CNTNAP2: variants seen among roughly 807,000 people sequenced by gnomAD.
CNTNAP2 encodes contactin associated protein 2.
CNTNAP2 carries 98 observed loss-of-function variants against 155.2 expected under a neutral mutation model. The observed-to-expected ratio is 0.63, with a 90% CI of 0.54 to 0.75. The LOEUF is 0.75. CNTNAP2 is among the 30% of genes least tolerant of loss of function. The probability of loss-of-function intolerance (pLI) is 0.00; values close to 1 mark genes in which losing one functional copy is unlikely to be tolerated. For missense variants in CNTNAP2, 1,727 were observed against 1,688.1 expected, an observed-to-expected ratio of 1.02 and a Z score of -0.40; for synonymous variants, 651 against 631.2, an observed-to-expected ratio of 1.03 and a Z score of -0.47.
rs953166472 is a variant in CNTNAP2, at chr7:146,525,582, A to C, written c.98-248689A>C. Among the ~76,000 whole-genome samples, 18 of 135,346 alleles carry C rather than the reference A, an allele frequency of 1.3e-4. No homozygotes were observed. In the South Asian group the frequency reaches 1.8e-3, roughly 14 times the overall value. 88.8% of individuals were successfully genotyped at this position (135,346 alleles called of 152,430 possible). ...TATCTATCTATCTATCTATCTCTCT[A>C]TCTATCATCTATCTATCATCTTGAT... On this transcript the variant is annotated intron_variant, in intron 1 of 23. Coordinates refer to ENST00000361727, the MANE Select transcript of CNTNAP2 (RefSeq NM_014141.6).
chr7:146,260,084 G>T (rs1799898267), intron 1 of CNTNAP2, among the ~76,000 whole-genome samples: 1 of 152,234 alleles, frequency 6.6e-6, no homozygotes, highest in Non-Finnish European at 1.5e-5. Flanking sequence ...AGCAGCTTGA[G>T]CCATTGCTTC....
At chr7:147,412,262 C>T (rs1797115938) in intron 10 of CNTNAP2, among the ~76,000 whole-genome samples, 1 of 152,180 alleles carries the variant, frequency 6.6e-6, no homozygotes, top group South Asian at 2.1e-4. Context: ...TCTCCTCCAT[C>T]CCCTCTAGCC....
intron 1 of CNTNAP2, among the ~76,000 whole-genome samples, chr7:146,432,908 C>T (rs1401269750): frequency 6.6e-6 from 1 of 152,108 alleles, no homozygotes; most frequent in Non-Finnish European, 1.5e-5. Flanking sequence ...TTTATTAAAC[C>T]AGTATCACTC....
chr7:146,886,605 T>C (rs1252194748), intron 3 of CNTNAP2, among the ~76,000 whole-genome samples: 1 of 152,016 alleles, frequency 6.6e-6, no homozygotes, highest in African/African-American at 2.4e-5. Context: ...AAAATGTTAA[T>C]TGATGATCAC....
intron 13 of CNTNAP2, chr7:147,643,306 T>C (rs1795315456): frequency 6.6e-6 from 1 of 152,252 alleles, no homozygotes; most frequent in Non-Finnish European, 1.5e-5. Context: ...CCTTCTGATA[T>C]ACCAGTCTCT....
intron 1 of CNTNAP2, among the ~76,000 whole-genome samples, chr7:146,733,873 T>G (rs1801567889): frequency 6.6e-6 from 1 of 151,946 alleles, no homozygotes; most frequent in African/African-American, 2.4e-5. Flanking sequence ...GGTATGAGAG[T>G]TTCATAGTTC....
At chr7:146,988,997 CT>C (rs1798163764) in intron 3 of CNTNAP2, among the ~76,000 whole-genome samples, 1 of 152,118 alleles carries the variant, frequency 6.6e-6, no homozygotes, top group South Asian at 2.1e-4. Flanking sequence ...CTCATTTTTC[CT>C]CTCCATATTT....
intron 1 of CNTNAP2, among the ~76,000 whole-genome samples, chr7:146,579,544 T>A (rs1798578610): frequency 1.3e-5 from 2 of 152,124 alleles, no homozygotes; most frequent in East Asian, 3.9e-4. Flanking sequence ...TTGAACAGAC[T>A]GTTAACCTTC....
chr7:148,399,359 G>C (rs1799536715), intron 22 of CNTNAP2, among the ~76,000 whole-genome samples: 3 of 152,172 alleles, frequency 2.0e-5, no homozygotes, highest in African/African-American at 7.2e-5. Context: ...TATAGTCCCA[G>C]CTACATGAGT....
intron 10 of CNTNAP2, among the ~76,000 whole-genome samples, chr7:147,405,663 A>C (rs903480582): frequency 1.3e-5 from 2 of 152,190 alleles, no homozygotes; most frequent in Admixed American, 6.5e-5. Context: ...GACAGAAAAA[A>C]GTTTCTGGTA....
chr7:148,389,895 A>G (rs1404843609), intron 22 of CNTNAP2: 1 of 152,134 alleles, frequency 6.6e-6, no homozygotes, highest in Non-Finnish European at 1.5e-5. Context: ...AAATCCCAAT[A>G]TCTAGTACTA....
At chr7:146,591,441 A>G (rs1798782665) in intron 1 of CNTNAP2, among the ~76,000 whole-genome samples, 1 of 152,234 alleles carries the variant, frequency 6.6e-6, no homozygotes, top group African/African-American at 2.4e-5. Flanking sequence ...ATAATTGAGA[A>G]AATAGCCAAG....
At chr7:147,033,154 ATATATG>A (rs1380433771) in intron 3 of CNTNAP2, among the ~76,000 whole-genome samples, 16 of 71,616 alleles carry the variant, frequency 2.2e-4, no homozygotes, top group African/African-American at 8.8e-4. Flanking sequence ...CTGCATATAT[ATATATG>A]TATATATATA....
intron 13 of CNTNAP2, among the ~76,000 whole-genome samples, chr7:147,768,794 C>T (rs559313100): frequency 4.7e-4 from 71 of 152,120 alleles, no homozygotes; most frequent in African/African-American, 1.7e-3. Context: ...TCAATTTATT[C>T]TTCAGTATGA....
At chr7:147,612,172 A>C (rs1449216649) in intron 12 of CNTNAP2, among the ~76,000 whole-genome samples, 1 of 152,204 alleles carries the variant, frequency 6.6e-6, no homozygotes, top group African/African-American at 2.4e-5. Flanking sequence ...TTAAATAACT[A>C]GACATTGTAA....
chr7:147,531,697 C>T (rs1318665310), intron 11 of CNTNAP2, among the ~76,000 whole-genome samples: 3 of 151,226 alleles, frequency 2.0e-5, no homozygotes, highest in Non-Finnish European at 3.0e-5. Flanking sequence ...TTTGACATGA[C>T]CTGGAGACAT....
chr7:146,217,014 T>C (rs1222790842), intron 1 of CNTNAP2, among the ~76,000 whole-genome samples: 1 of 152,188 alleles, frequency 6.6e-6, no homozygotes, highest in Non-Finnish European at 1.5e-5. Context: ...CAAAAGAACG[T>C]GAATATCATC....
At position 147,741,616 on chromosome 7, in the gene CNTNAP2, A is replaced by G. The variant is rs12703966; in HGVS notation, c.2098+102310A>G. Among the ~76,000 whole-genome samples, 576 of 152,340 alleles carry G rather than the reference A, an allele frequency of 3.8e-3. 2 individuals are homozygous for G. Among genetic ancestry groups the G allele is most frequent in the Non-Finnish European group, 6.7e-3 (454 of 68,034 alleles). ...TTGTATTAAGTTGTGTAGCATAAAA[A>G]TAAAAGTATAGCAGTAGTATACTAC... On this transcript the variant is annotated intron_variant, in intron 13 of 23. Coordinates refer to ENST00000361727, the MANE Select transcript of CNTNAP2 (RefSeq NM_014141.6).
chr7:147,033,813 A>AC (rs1394662638), intron 3 of CNTNAP2, among the ~76,000 whole-genome samples: 1 of 151,846 alleles, frequency 6.6e-6, no homozygotes, highest in Admixed American at 6.6e-5. Flanking sequence ...AAAAAAAAAA[A>AC]ACACAGGATG....
Sources: allele counts gnomAD v4.1 joint callset (sites outside exome capture counted in the v4.1 genomes callset), GRCh38; gene constraint gnomAD v4.1.1; transcripts MANE v1.5; gene names NCBI Gene and HGNC (gene_info 2026-07-23, HGNC 2026-07-21).